MORC1: variants seen among roughly 807,000 people sequenced by gnomAD.
The protein encoded by MORC1 is MORC family CW-type zinc finger 1.
A neutral mutation model predicts 134.9 loss-of-function variants in MORC1; 59 were observed. The observed-to-expected ratio is 0.44, with a 90% CI of 0.35 to 0.54. The LOEUF is 0.54. Among genes scored for constraint, MORC1 ranks in the 20% least tolerant of loss-of-function variants. The probability of loss-of-function intolerance (pLI) is 0.00; values close to 1 mark genes in which losing one functional copy is unlikely to be tolerated. For synonymous variants in MORC1, 395 were observed against 391.7 expected, an observed-to-expected ratio of 1.01 and a Z score of -0.10; for missense variants, 947 against 1,134.5, an observed-to-expected ratio of 0.83 and a Z score of 2.37.
chr3:108,962,462 T>C (rs1947107392), intron 27 of MORC1, among the ~76,000 whole-genome samples: 1 of 152,172 alleles, frequency 6.6e-6, no homozygotes, highest in Non-Finnish European at 1.5e-5. Flanking sequence ...GATATATGTA[T>C]GGCGAGTTTC....
chr3:109,047,179 C>T (rs1203722646), intron 14 of MORC1, among the ~76,000 whole-genome samples: 3 of 152,160 alleles, frequency 2.0e-5, no homozygotes, highest in Non-Finnish European at 2.9e-5. Flanking sequence ...CTACAGTCCT[C>T]ATATTGTACA....
intron 21 of MORC1, among the ~76,000 whole-genome samples, chr3:108,996,387 G>C (rs2107507027): frequency 6.6e-6 from 1 of 152,296 alleles, no homozygotes; most frequent in African/African-American, 2.4e-5. Flanking sequence ...TAAAATGGTG[G>C]AGGGAGCTGT....
At chr3:109,086,167 C>G (rs1297900469) in intron 8 of MORC1, among the ~76,000 whole-genome samples, 2 of 151,838 alleles carry the variant, frequency 1.3e-5, no homozygotes, top group African/African-American at 2.4e-5. Context: ...ACCTACTGTT[C>G]AACAGATCAA....
intron 3 of MORC1, among the ~76,000 whole-genome samples, chr3:109,104,559 C>G (rs1950987171): frequency 6.6e-6 from 1 of 152,084 alleles, no homozygotes; most frequent in South Asian, 2.1e-4. Flanking sequence ...GGTGTGGTGA[C>G]TTATGCCTAT....
At chr3:109,063,017 G>A in intron 10 of MORC1, 135 bp downstream of exon 10, 1 of 557,742 alleles carries the variant, frequency 1.8e-6, no homozygotes, top group Non-Finnish European at 3.1e-6. Flanking sequence ...AAGTTCCATA[G>A]AGACAGAAAC....
intron 25 of MORC1, among the ~76,000 whole-genome samples, chr3:108,970,517 G>A (rs1947348525): frequency 6.6e-6 from 1 of 152,142 alleles, no homozygotes; most frequent in African/African-American, 2.4e-5. Flanking sequence ...GGGTAAAGAG[G>A]CAGAAACAAT....
chr3:108,990,017 A>T (rs1210660591), intron 21 of MORC1, among the ~76,000 whole-genome samples: 1 of 151,880 alleles, frequency 6.6e-6, no homozygotes, highest in Non-Finnish European at 1.5e-5. Flanking sequence ...GTCTCATGAG[A>T]TCTGATGGTT....
At chr3:108,977,188 GTGTAAT>G (rs1947586961) in intron 24 of MORC1, among the ~76,000 whole-genome samples, 1 of 152,092 alleles carries the variant, frequency 6.6e-6, no homozygotes, top group Admixed American at 6.5e-5. Flanking sequence ...CTTCATATTT[GTGTAAT>G]TGTCCATGAG....
intron 17 of MORC1, among the ~76,000 whole-genome samples, chr3:109,015,735 A>G (rs947559576): frequency 1.3e-5 from 2 of 152,038 alleles, no homozygotes; most frequent in African/African-American, 2.4e-5. Flanking sequence ...TCCATTCCCA[A>G]TTCTGCCTGA....
At chr3:109,003,709 A>G (rs1948465733) in intron 20 of MORC1, among the ~76,000 whole-genome samples, 1 of 152,216 alleles carries the variant, frequency 6.6e-6, no homozygotes, top group Non-Finnish European at 1.5e-5. Flanking sequence ...TACAATACAT[A>G]ATTCAAATCA....
chr3:109,022,964 A>G (rs982287418), intron 17 of MORC1, among the ~76,000 whole-genome samples: 1 of 152,238 alleles, frequency 6.6e-6, no homozygotes, highest in Admixed American at 6.5e-5. Flanking sequence ...GAAGTAAAAC[A>G]TGCTCTAAGA....
At chr3:109,082,123 G>A (rs9855122) in intron 8 of MORC1, among the ~76,000 whole-genome samples, 133,933 of 152,028 alleles carry the variant, frequency 0.88, 59,069 homozygotes, top group East Asian at 0.93. Context: ...CACTGCTGGG[G>A]AATCCCCCTT....
intron 3 of MORC1, among the ~76,000 whole-genome samples, chr3:109,107,492 C>T (rs1002858788): frequency 6.6e-6 from 1 of 151,886 alleles, no homozygotes; most frequent in Non-Finnish European, 1.5e-5. Flanking sequence ...TTAGTAAGCA[C>T]TAAAAAAAAG....
At chr3:109,061,503 T>C (rs1158915178) in intron 11 of MORC1, among the ~76,000 whole-genome samples, 1 of 152,194 alleles carries the variant, frequency 6.6e-6, no homozygotes, top group Non-Finnish European at 1.5e-5. Flanking sequence ...GAAGCATTCT[T>C]ATTAATATTC....
At chr3:109,012,948 G>C (rs1158258032) in intron 17 of MORC1, among the ~76,000 whole-genome samples, 1 of 152,180 alleles carries the variant, frequency 6.6e-6, no homozygotes, top group East Asian at 1.9e-4. Flanking sequence ...TGGAACTGGA[G>C]GGGTGAGAGT....
chr3:109,096,125 A>G (rs1950826925), intron 6 of MORC1, among the ~76,000 whole-genome samples: 1 of 152,240 alleles, frequency 6.6e-6, no homozygotes, highest in Admixed American at 6.5e-5. Context: ...CCATGAAACA[A>G]GAACGAGATA....
intron 14 of MORC1, among the ~76,000 whole-genome samples, chr3:109,047,010 C>A (rs756422050): frequency 6.6e-6 from 1 of 152,042 alleles, no homozygotes; most frequent in Non-Finnish European, 1.5e-5. Context: ...ACATTCCTTA[C>A]CATTGTGTTT....
rs747019706 is a variant in MORC1 at position 109,095,083 on chromosome 3, AC to A, written c.424-16del. ...GGAACTACAACCTATTTAAAAAAAA[AC>A]ACATCAATTTACTATGAAATACACA... On this transcript the variant is annotated splice_polypyrimidine_tract_variant and intron_variant, in intron 6 of 27. Transcript: ENST00000232603. The A allele has an allele frequency of 7.7e-6, 12 of 1,561,080 alleles. No homozygotes were observed. Among genetic ancestry groups the A allele is most frequent in the Middle Eastern group, 1.8e-4 (1 of 5,630 alleles).
intron 14 of MORC1, among the ~76,000 whole-genome samples, chr3:109,054,410 A>T (rs1480573117): frequency 6.6e-6 from 1 of 152,200 alleles, no homozygotes; most frequent in East Asian, 1.9e-4. Flanking sequence ...CACACAGTGG[A>T]GTCCCAGTGC....
Sources: allele counts gnomAD v4.1 joint callset (sites outside exome capture counted in the v4.1 genomes callset), GRCh38; gene constraint gnomAD v4.1.1; transcripts MANE v1.5; gene names NCBI Gene and HGNC (gene_info 2026-07-23, HGNC 2026-07-21).